Variants in CSMD1 observed in about 807,000 individuals in gnomAD.
CSMD1 encodes the protein CUB and sushi domain-containing protein 1.
A neutral mutation model predicts 417.5 loss-of-function variants in CSMD1; 213 were observed. The ratio of observed to expected loss-of-function variants is 0.51; its 90% CI spans 0.46 to 0.57. CSMD1 has a LOEUF of 0.57. Ranked by LOEUF, CSMD1 falls within the 20% of genes least tolerant of loss-of-function variation. The probability of loss-of-function intolerance (pLI) is 0.00; values close to 1 mark genes in which losing one functional copy is unlikely to be tolerated. For synonymous variants in CSMD1, 2,862 were observed against 1,736.8 expected, an observed-to-expected ratio of 1.65 and a Z score of -16.11; for missense variants, 6,923 against 4,529.7, an observed-to-expected ratio of 1.53 and a Z score of -15.17.
In CSMD1 at chr8:4,181,926, T is replaced by C. The variant is rs536452440; in HGVS notation, c.416-149827A>G. ...CAAAGGCAGGACAAGTACTTAGTACTTTGCTAGGTGATTCTGTTTGTCTGT... is the reference window on the plus strand; with the variant it reads ...CAAAGGCAGGACAAGTACTTAGTACCTTGCTAGGTGATTCTGTTTGTCTGT... On this transcript the variant is annotated intron_variant, in intron 3 of 69. Transcript: ENST00000635120. 8.3e-4 allele frequency among the ~76,000 whole-genome samples: 123 copies of C among 148,490 alleles called. 1 individual carries two copies. The highest frequency in any genetic ancestry group is 3.0e-3 in the African/African-American group (121 of 40,312).
chr8:3,612,691 G>C (rs537334235), intron 8 of CSMD1, among the ~76,000 whole-genome samples: 1 of 152,038 alleles, frequency 6.6e-6, no homozygotes, highest in South Asian at 2.1e-4. Flanking sequence ...GAACAAAAAA[G>C]TAATCACAAG....
At chr8:4,846,074 C>G (rs1031343267) in intron 1 of CSMD1, among the ~76,000 whole-genome samples, 1 of 152,148 alleles carries the variant, frequency 6.6e-6, no homozygotes, top group Non-Finnish European at 1.5e-5. Context: ...TGTGCTACGT[C>G]CCAAATCAAA....
chr8:4,140,291 G>A (rs1294388124), intron 3 of CSMD1, among the ~76,000 whole-genome samples: 1 of 150,960 alleles, frequency 6.6e-6, no homozygotes, highest in African/African-American at 2.5e-5. Context: ...GAGGTCAGGA[G>A]TTTGAGACCA....
At chr8:4,259,817 G>T (rs1045572271) in intron 3 of CSMD1, among the ~76,000 whole-genome samples, 1 of 152,002 alleles carries the variant, frequency 6.6e-6, no homozygotes, top group Non-Finnish European at 1.5e-5. Context: ...CTATTATTTG[G>T]CACATTACTC....
chr8:3,443,495 T>G (rs958346265), intron 12 of CSMD1, among the ~76,000 whole-genome samples: 2 of 152,218 alleles, frequency 1.3e-5, no homozygotes, highest in African/African-American at 4.8e-5. Flanking sequence ...TCTACATATG[T>G]GTGCGTCTGT....
At chr8:4,165,542 C>T (rs374622896) in intron 3 of CSMD1, among the ~76,000 whole-genome samples, 85 of 152,244 alleles carry the variant, frequency 5.6e-4, no homozygotes, top group African/African-American at 1.9e-3. Context: ...TAGGTGGGAC[C>T]TCCGGTGCAC....
intron 3 of CSMD1, among the ~76,000 whole-genome samples, chr8:4,399,625 G>A (rs900387322): frequency 2.6e-5 from 4 of 151,870 alleles, no homozygotes; most frequent in Non-Finnish European, 4.4e-5. Context: ...CACCATCCTA[G>A]ATGTCAACAA....
At chr8:4,170,509 A>G (rs1463291952) in intron 3 of CSMD1, among the ~76,000 whole-genome samples, 1 of 151,920 alleles carries the variant, frequency 6.6e-6, no homozygotes, top group African/African-American at 2.4e-5. Flanking sequence ...ATGAAATGTT[A>G]TTAAGTAGAG....
At chr8:4,550,453 TA>T (rs1159187593) in intron 2 of CSMD1, among the ~76,000 whole-genome samples, 2 of 152,014 alleles carry the variant, frequency 1.3e-5, no homozygotes, top group African/African-American at 4.8e-5. Flanking sequence ...AAACTAAAGG[TA>T]TTGCATTTTT....
At chr8:4,972,873 G>A (rs1810326659) in intron 1 of CSMD1, among the ~76,000 whole-genome samples, 1 of 152,112 alleles carries the variant, frequency 6.6e-6, no homozygotes, top group Non-Finnish European at 1.5e-5. Context: ...ATAATTACCT[G>A]CTAAATGAAC....
At chr8:4,536,530 T>C (rs1319426496) in intron 2 of CSMD1, among the ~76,000 whole-genome samples, 1 of 152,204 alleles carries the variant, frequency 6.6e-6, no homozygotes, top group Non-Finnish European at 1.5e-5. Context: ...CATGATATTG[T>C]ATACAGAGAT....
At chr8:3,588,954 A>G (rs1800720279) in intron 8 of CSMD1, among the ~76,000 whole-genome samples, 1 of 152,018 alleles carries the variant, frequency 6.6e-6, no homozygotes, top group Non-Finnish European at 1.5e-5. Flanking sequence ...AAGACATAAA[A>G]ACGACCAACA....
At chr8:3,150,393 G>C (rs1012898702) in intron 40 of CSMD1, among the ~76,000 whole-genome samples, 1 of 152,068 alleles carries the variant, frequency 6.6e-6, no homozygotes, top group African/African-American at 2.4e-5. Flanking sequence ...CCCACGTCCA[G>C]CGCCTGATTG....
chr8:4,253,957 C>T (rs1283768977), intron 3 of CSMD1, among the ~76,000 whole-genome samples: 1 of 142,502 alleles, frequency 7.0e-6, no homozygotes, highest in Non-Finnish European at 1.5e-5. Context: ...TGCTCTAGTG[C>T]CCAGGCTGGA....
intron 5 of CSMD1, among the ~76,000 whole-genome samples, chr8:3,855,961 C>A (rs955115283): frequency 7.9e-5 from 12 of 152,144 alleles, no homozygotes; most frequent in Admixed American, 7.9e-4. Context: ...CTCCCTACTA[C>A]TGAGTTTCAT....
intron 42 of CSMD1, among the ~76,000 whole-genome samples, chr8:3,110,875 C>T (rs971188909): frequency 6.6e-6 from 1 of 152,148 alleles, no homozygotes; most frequent in Admixed American, 6.5e-5. Flanking sequence ...GAAGCATTTC[C>T]AGTTTTTACT....
intron 3 of CSMD1, among the ~76,000 whole-genome samples, chr8:4,058,152 C>G (rs1247237534): frequency 6.6e-6 from 1 of 152,140 alleles, no homozygotes; most frequent in African/African-American, 2.4e-5. Flanking sequence ...GATATTGACT[C>G]TTCCTACCCA....
chr8:3,607,901 G>A (rs76964447), intron 8 of CSMD1, among the ~76,000 whole-genome samples: 25 of 152,318 alleles, frequency 1.6e-4, no homozygotes, highest in African/African-American at 5.8e-4. Flanking sequence ...CAGGCACAGT[G>A]GTTCATGCCT....
At chr8:4,650,171 C>A (rs886702312) in intron 1 of CSMD1, among the ~76,000 whole-genome samples, 1 of 151,682 alleles carries the variant, frequency 6.6e-6, no homozygotes, top group Admixed American at 6.6e-5. Flanking sequence ...CGGTGAAACC[C>A]CGTCTCTAAT....
Sources: gnomAD v4.1 joint callset for allele counts (sites outside exome capture counted in the v4.1 genomes callset) on GRCh38, gnomAD v4.1.1 for gene constraint, MANE v1.5 for transcripts, NCBI Gene and HGNC (gene_info 2026-07-23, HGNC 2026-07-21) for gene names.